Variants in CIMIP2C observed in about 807,000 individuals in gnomAD.
CIMIP2C encodes the protein ciliary microtubule inner protein 2C.
chr2:26,567,300 C>T, the CIMIP2C span, among the ~76,000 whole-genome samples: 1 of 152,170 alleles, frequency 6.6e-6, no homozygotes, highest in South Asian at 2.1e-4. Flanking sequence ...TTAGTTCTCA[C>T]AAGATCAGAT....
chr2:26,563,491 A>G, the CIMIP2C span, among the ~76,000 whole-genome samples: 7 of 152,128 alleles, frequency 4.6e-5, no homozygotes, highest in Non-Finnish European at 8.8e-5. Context: ...GGCTGTCTTT[A>G]TCCCTCCTAC....
chr2:26,578,798 C>T, the CIMIP2C span: 1 of 471,162 alleles, frequency 2.1e-6, no homozygotes, highest in Non-Finnish European at 4.4e-6. Flanking sequence ...ACTTGCACTG[C>T]TGCTGACAGT....
At chr2:26,577,591 G>T in the CIMIP2C span, 1 of 1,614,042 alleles carries the variant, frequency 6.2e-7, no homozygotes, top group Admixed American at 1.7e-5. Context: ...TGCGATGCCC[G>T]TGAGGGAGCC....
the CIMIP2C span, among the ~76,000 whole-genome samples, chr2:26,575,390 G>C: frequency 6.6e-6 from 1 of 152,266 alleles, no homozygotes; most frequent in African/African-American, 2.4e-5. Context: ...GGGAGCCAGA[G>C]GAGGCCTTTG....
the CIMIP2C span, chr2:26,578,577 G>A: frequency 6.3e-6 from 2 of 318,354 alleles, no homozygotes; most frequent in Admixed American, 4.2e-5. Context: ...GCTTGGAAAG[G>A]AAGCAGCATC....
the CIMIP2C span, among the ~76,000 whole-genome samples, chr2:26,564,928 G>T: frequency 1.3e-5 from 2 of 152,256 alleles, no homozygotes; most frequent in East Asian, 3.9e-4. Context: ...CTGGAGCCAG[G>T]TCCCTAATGC....
chr2:26,568,049 C>G, the CIMIP2C span, among the ~76,000 whole-genome samples: 10 of 152,222 alleles, frequency 6.6e-5, no homozygotes, highest in African/African-American at 2.4e-4. Context: ...CGCCCCCAGG[C>G]TGAGAGGTCT....
the CIMIP2C span, among the ~76,000 whole-genome samples, chr2:26,568,653 T>A: frequency 6.6e-6 from 1 of 152,204 alleles, no homozygotes; most frequent in Admixed American, 6.5e-5. Flanking sequence ...CCAGTATGAG[T>A]ACAACAGAAC....
At chr2:26,572,093 C>T in the CIMIP2C span, 1 of 1,541,394 alleles carries the variant, frequency 6.5e-7, no homozygotes, top group Non-Finnish European at 8.7e-7. Flanking sequence ...GTACTTTTTT[C>T]TAACGATGTG....
At chr2:26,579,020 G>A in the CIMIP2C span, 3 of 532,608 alleles carry the variant, frequency 5.6e-6, no homozygotes, top group Non-Finnish European at 7.1e-6. Flanking sequence ...CCACCACTGG[G>A]CCATTCTTAA....
At chr2:26,576,613 C>A in the CIMIP2C span, among the ~76,000 whole-genome samples, 1 of 152,204 alleles carries the variant, frequency 6.6e-6, no homozygotes, top group African/African-American at 2.4e-5. Flanking sequence ...AGCCCCAGTT[C>A]CAGCCCCACG....
At chr2:26,579,518 G>A in the CIMIP2C span, 1 of 1,526,742 alleles carries the variant, frequency 6.5e-7, no homozygotes, top group Non-Finnish European at 8.9e-7. Flanking sequence ...AAAATCTTTA[G>A]CCATGACCAT....
chr2:26,567,842 G>A, the CIMIP2C span, among the ~76,000 whole-genome samples: 1 of 152,318 alleles, frequency 6.6e-6, no homozygotes, highest in Non-Finnish European at 1.5e-5. Context: ...GGCCAGGGCT[G>A]CAGGAGTTTC....
At chr2:26,576,092 C>A in the CIMIP2C span, 6 of 1,614,206 alleles carry the variant, frequency 3.7e-6, no homozygotes, top group Non-Finnish European at 5.1e-6. Context: ...CGCCAGCACC[C>A]GGGACCGCTG....
the CIMIP2C span, chr2:26,578,821 G>A: frequency 1.5e-4 from 70 of 471,166 alleles, no homozygotes; most frequent in African/African-American, 1.1e-3. Context: ...CACAACGAAC[G>A]CAAAGGGCCA....
chr2:26,578,424 AT>A, the CIMIP2C span: 1 of 218,074 alleles, frequency 4.6e-6, no homozygotes, highest in African/African-American at 2.3e-5. Context: ...CATAAGTTTA[AT>A]GGTTTTTAAA....
the CIMIP2C span, chr2:26,572,156 G>A: frequency 3.2e-6 from 5 of 1,540,898 alleles, no homozygotes; most frequent in Admixed American, 8.3e-5. Flanking sequence ...TTCTTAGTAA[G>A]TGCACCCCCA....
chr2:26,577,301 T>C, the CIMIP2C span, among the ~76,000 whole-genome samples: 1 of 152,196 alleles, frequency 6.6e-6, no homozygotes, highest in Non-Finnish European at 1.5e-5. Context: ...GTGGGTGTCG[T>C]TATTCCCATT....
At chr2:26,567,952 C>T in the CIMIP2C span, among the ~76,000 whole-genome samples, 1 of 152,146 alleles carries the variant, frequency 6.6e-6, no homozygotes, top group Non-Finnish European at 1.5e-5. Flanking sequence ...GAGAAACTGG[C>T]AGGTGTGGTC....
Sources: gnomAD v4.1 joint callset for allele counts (sites outside exome capture counted in the v4.1 genomes callset) on GRCh38, gnomAD v4.1.1 for gene constraint, MANE v1.5 for transcripts, NCBI Gene and HGNC (gene_info 2026-07-23, HGNC 2026-07-21) for gene names.